The following MED13 variants were observed in gnomAD, a reference collection of about 807,000 sequenced individuals.
MED13 encodes the protein mediator of RNA polymerase II transcription subunit 13.
In MED13, 23 loss-of-function variants were observed where a neutral mutation model predicts 225.2. That is an observed-to-expected ratio of 0.10 (90% CI 0.07 to 0.14). The LOEUF is 0.14. Ranked by LOEUF, MED13 falls within the 10% of genes least tolerant of loss-of-function variation. The pLI is 1.00. For synonymous variants in MED13, 942 were observed against 889.2 expected (o/e 1.06, Z -1.06); for missense variants, 2,197 against 2,594.5 (o/e 0.85, Z 3.33).
chr17:62,062,827 A>C (rs1037668262), intron 2 of MED13, among the ~76,000 whole-genome samples: 1 of 152,200 alleles, frequency 6.6e-6, no homozygotes, highest in Non-Finnish European at 1.5e-5. Context: ...ACCTGTGAGA[A>C]ATTAAGAAGA....
At chr17:61,953,183 T>A (rs1603390455) in intron 26 of MED13, 70 bp from the exon 27 acceptor site, 1 of 1,465,948 alleles carries the variant, frequency 6.8e-7, no homozygotes, top group East Asian at 2.3e-5. Context: ...CAGGAAAGGG[T>A]CAAAATAAAT....
chr17:61,945,519 A>G lies in MED13; in HGVS notation c.*949T>C, dbSNP rs1385471471. ...TTTCTTGTAAAACTAAGTTTCTTTC[A>G]CCGGAAATGGCCTGAAATATTAGTC... On this transcript the variant is annotated 3_prime_UTR_variant, in exon 30 of 30. Coordinates refer to ENST00000397786, the MANE Select transcript of MED13 (RefSeq NM_005121.3). 1.3e-5 allele frequency: 2 copies of G among 152,626 alleles called. No homozygotes were observed. Among genetic ancestry groups the G allele is most frequent in the African/African-American group, 4.8e-5 (2 of 41,446 alleles). 9.5% of individuals were successfully genotyped at this position (152,626 alleles called of 1,614,324 possible).
chr17:61,948,721 C>G (rs369096062), intron 28 of MED13, among the ~76,000 whole-genome samples: 1 of 151,518 alleles, frequency 6.6e-6, no homozygotes, highest in Admixed American at 6.6e-5. Flanking sequence ...CCACTGCACC[C>G]GGCAGCAAGT....
chr17:61,960,086 A>T (rs1350358672), intron 23 of MED13, among the ~76,000 whole-genome samples: 1 of 152,132 alleles, frequency 6.6e-6, no homozygotes, highest in Non-Finnish European at 1.5e-5. Context: ...GTTCTCCTGT[A>T]CAGCGTTCAC....
At chr17:62,038,830 ATT>A (rs367641054) in intron 3 of MED13, among the ~76,000 whole-genome samples, 88 of 149,796 alleles carry the variant, frequency 5.9e-4, no homozygotes, top group African/African-American at 2.1e-3. Flanking sequence ...CACCCAGCTA[ATT>A]TTTTTTTTCC....
intron 9 of MED13, among the ~76,000 whole-genome samples, chr17:62,009,499 T>C (rs1428248039): frequency 1.3e-5 from 2 of 152,250 alleles, no homozygotes; most frequent in African/African-American, 4.8e-5. Flanking sequence ...ACTAGAAATC[T>C]GGAAGACACA....
chr17:62,046,801 ACTC>A (rs1156389015), intron 3 of MED13, among the ~76,000 whole-genome samples: 1 of 151,904 alleles, frequency 6.6e-6, no homozygotes, highest in African/African-American at 2.4e-5. Flanking sequence ...GTGCCACTGC[ACTC>A]CAGCCTGGGT....
At chr17:62,051,386 T>C (rs1428758464) in intron 3 of MED13, among the ~76,000 whole-genome samples, 3 of 152,212 alleles carry the variant, frequency 2.0e-5, no homozygotes, top group Admixed American at 6.5e-5. Flanking sequence ...GATGACATTA[T>C]TGAACAGCTA....
intron 1 of MED13, 61 bp from the exon 2 acceptor site, chr17:62,063,362 A>G: frequency 9.5e-7 from 1 of 1,049,958 alleles, no homozygotes; most frequent in Non-Finnish European, 1.4e-6. Flanking sequence ...AAAAGTACTC[A>G]ATATGATGTC....
At position 61,955,829 on chromosome 17, in the gene MED13, C is replaced by G. The variant is rs1306294609; in HGVS notation, c.5633G>C (p.Cys1878Ser). The G allele has an allele frequency of 1.0e-6, 1 of 982,482 alleles. No individual in the cohort carries two copies. Among genetic ancestry groups the G allele is most frequent in the African/African-American group, 2.2e-5 (1 of 44,796 alleles). The allele number at this position is 982,482 out of a possible 1,614,324, so 60.9% of individuals were successfully genotyped here. ...IGHGELKDWSCLLSRRNLQSL... is the reference protein window; with the variant it reads ...IGHGELKDWSSLLSRRNLQSL... Reference sequence around the variant, plus strand: ...CTGCAAGTTTCGACGACTCAGCAAACAGCTCCAATCTGTGGGTATCAACAG... The same window carrying G: ...CTGCAAGTTTCGACGACTCAGCAAAGAGCTCCAATCTGTGGGTATCAACAG... Residue 1878 changes from cysteine to serine, a missense_variant, in exon 25 of 30, where the codon TGT (cysteine) becomes TCT (serine). By Grantham distance (112) the Cys-to-Ser change is moderately radical. Around this residue, in one of 12 missense-constraint regions of MED13, gnomAD observed 216 missense variants for 388.9 expected, o/e 0.56. Transcript: ENST00000397786.
At chr17:61,974,820 G>A (rs944300395) in intron 16 of MED13, among the ~76,000 whole-genome samples, 3 of 152,126 alleles carry the variant, frequency 2.0e-5, no homozygotes, top group African/African-American at 7.2e-5. Flanking sequence ...AAACTACAAA[G>A]TTATTTCAAA....
chr17:61,982,933 C>G lies in MED13; in HGVS notation c.3070G>C (p.Ala1024Pro). The G allele has an allele frequency of 6.2e-7, 1 of 1,614,120 alleles. No individual in the cohort carries two copies. The highest frequency in any genetic ancestry group is 8.5e-7 in the Non-Finnish European group (1 of 1,180,026). ...CCTTGAGCACTAGCAGGTCCACCAG[C>G]TCCACGAGGAGTCCGAGGAGTCCTT... ...TPRTPRTPRG[A>P]GGPASAQGSV... Residue 1024 changes from alanine to proline, a missense_variant, in exon 16 of 30, where the codon GCT becomes CCT. By Grantham distance (27) the Ala-to-Pro change is conservative. This residue lies in a region of MED13 where 99 missense variants were observed against 158.5 expected (regional missense o/e 0.62). Coordinates refer to ENST00000397786, the MANE Select transcript of MED13 (RefSeq NM_005121.3).
At chr17:61,976,576 T>C (rs2080158266) in intron 16 of MED13, among the ~76,000 whole-genome samples, 1 of 152,234 alleles carries the variant, frequency 6.6e-6, no homozygotes, top group South Asian at 2.1e-4. Context: ...AGCAAGTATG[T>C]ATTTTTTATA....
At position 61,961,619 on chromosome 17, in the gene MED13, A is replaced by G; in HGVS notation, c.5225T>C (p.Leu1742Ser). The G allele has an allele frequency of 6.2e-7, 1 of 1,614,102 alleles. No homozygotes were observed. Among genetic ancestry groups the G allele is most frequent in the Non-Finnish European group, 8.5e-7 (1 of 1,180,024 alleles). Residue 1742 changes from leucine (L) to serine (S), a missense_variant, in exon 22 of 30, where the codon TTA becomes TCA. Physicochemically the swap from Leu to Ser is moderately radical, Grantham distance 145 (BLOSUM62 -2). Coordinates refer to ENST00000397786, the MANE Select transcript of MED13 (RefSeq NM_005121.3). The stretch of plus-strand genomic sequence containing the variant: ...ACTTCTAAGGGCAGTTTCCATGGCT[A>G]AACCTGGACCAAAGCCAGTCAATGT... The part of the protein sequence containing the change: ...VKTLTGFGPG[L>S]AMETALRSPD...
At chr17:62,056,392 A>G (rs1346181270) in intron 2 of MED13, among the ~76,000 whole-genome samples, 1 of 152,240 alleles carries the variant, frequency 6.6e-6, no homozygotes. Flanking sequence ...AGAAGGGAAC[A>G]TATGGCAAAT....
intron 8 of MED13, among the ~76,000 whole-genome samples, chr17:62,018,201 C>T (rs551486947): frequency 5.5e-4 from 84 of 152,094 alleles, no homozygotes; most frequent in African/African-American, 2.0e-3. Context: ...AGATCACTGG[C>T]AATATTAATG....
chr17:61,982,869 G>A lies in MED13; in HGVS notation c.3134C>T (p.Ala1045Val), dbSNP rs201705934. The change falls in exon 16 of 30, where the codon GCT becomes GTT. Residue 1045 changes from alanine to valine, a missense_variant. Coordinates refer to ENST00000397786, the MANE Select transcript of MED13 (RefSeq NM_005121.3). The stretch of plus-strand genomic sequence containing the variant: ...GGGTCTGCATGTAGATGGGGTAGAA[G>A]CTGGTGAATACAAGTCTGAATTTTC... ...KYENSDLYSP[A>V]STPSTCRPLN... 1.9e-6 allele frequency: 3 copies of A among 1,614,084 alleles called. No homozygotes were observed. The highest frequency in any genetic ancestry group is 2.5e-6 in the Non-Finnish European group (3 of 1,180,042).
At chr17:61,969,475 A>T (rs1474838582) in intron 17 of MED13, among the ~76,000 whole-genome samples, 1 of 152,188 alleles carries the variant, frequency 6.6e-6, no homozygotes, top group African/African-American at 2.4e-5. Flanking sequence ...CAGGAGTTTG[A>T]GGCCTAGGCA....
intron 2 of MED13, among the ~76,000 whole-genome samples, chr17:62,060,073 T>A (rs1256868715): frequency 6.6e-6 from 1 of 151,748 alleles, no homozygotes; most frequent in Admixed American, 6.6e-5. Context: ...GGGTGGACTG[T>A]CTGCGCTCAG....
Sources: allele counts gnomAD v4.1 joint callset (sites outside exome capture counted in the v4.1 genomes callset), GRCh38; gene constraint gnomAD v4.1.1; regional missense constraint gnomAD v4.1.1; transcripts MANE v1.5; gene names NCBI Gene and HGNC (gene_info 2026-07-23, HGNC 2026-07-21).